The following LGMN variants were observed in gnomAD, a reference collection of about 807,000 sequenced individuals.
LGMN encodes the protein legumain.
Under a neutral mutation model 56.8 loss-of-function variants are expected in LGMN, and 36 were observed. That is an observed-to-expected ratio of 0.63 (90% CI 0.49 to 0.84). The LOEUF is 0.84. Among genes scored for constraint, LGMN ranks in the 40% least tolerant of loss-of-function variants. The pLI is 0.00. For synonymous variants in LGMN, 199 were observed against 210.1 expected (o/e 0.95, Z 0.46); for missense variants, 446 against 556.1 (o/e 0.80, Z 1.99).
chr14:92,719,653 G>T (rs377732139), intron 2 of LGMN, among the ~76,000 whole-genome samples: 38 of 152,206 alleles, frequency 2.5e-4, no homozygotes, highest in African/African-American at 8.9e-4. Flanking sequence ...GTCCAACTCA[G>T]GAATTGAGAA....
At chr14:92,746,254 TATC>T (rs1489672748) in intron 1 of LGMN, among the ~76,000 whole-genome samples, 2 of 152,236 alleles carry the variant, frequency 1.3e-5, no homozygotes, top group Admixed American at 1.3e-4. Context: ...ATTTGAGTCT[TATC>T]ATATGATTAT....
At chr14:92,729,334 C>T (rs951688493) in intron 2 of LGMN, among the ~76,000 whole-genome samples, 9 of 151,302 alleles carry the variant, frequency 5.9e-5, no homozygotes, top group African/African-American at 1.9e-4. Context: ...TGCAACCCCC[C>T]ACCTCACTCT....
At chr14:92,719,260 GCCA>G (rs1188291041) in intron 2 of LGMN, among the ~76,000 whole-genome samples, 49 of 12,530 alleles carry the variant, frequency 3.9e-3, no homozygotes, top group African/African-American at 0.012. Flanking sequence ...CACCACCACC[GCCA>G]CCGCCGCCGC....
chr14:92,710,697 A>G (rs1030308771), intron 10 of LGMN, among the ~76,000 whole-genome samples: 4 of 152,220 alleles, frequency 2.6e-5, no homozygotes, highest in Admixed American at 6.5e-5. Context: ...AGAAATGGCC[A>G]ATGATGAGGA....
chr14:92,719,866 T>C (rs1890365190), intron 2 of LGMN, among the ~76,000 whole-genome samples: 1 of 152,228 alleles, frequency 6.6e-6, no homozygotes. Context: ...TCTGCTTACA[T>C]TTAATTTTGT....
At chr14:92,734,284 T>A (rs948118150) in intron 1 of LGMN, among the ~76,000 whole-genome samples, 12 of 152,206 alleles carry the variant, frequency 7.9e-5, no homozygotes, top group African/African-American at 2.9e-4. Context: ...GAACGGCTGG[T>A]CCGGCACTCT....
chr14:92,719,320 G>GCCGCCA (rs71123372), intron 2 of LGMN, among the ~76,000 whole-genome samples: 1 of 49,228 alleles, frequency 2.0e-5, no homozygotes, highest in Non-Finnish European at 3.7e-5. Context: ...CACCGCCGCC[G>GCCGCCA]CCGCCACCGC....
rs1204528886 is a variant in LGMN at position 92,714,087 on chromosome 14, C to G, written c.481-202G>C. 6.6e-6 allele frequency among the ~76,000 whole-genome samples: 1 copy of G among 152,192 alleles called. No homozygotes were observed. The highest frequency in any genetic ancestry group is 1.5e-5 in the Non-Finnish European group (1 of 68,032). On this transcript the variant is annotated intron_variant, in intron 6 of 13. Transcript: ENST00000334869. The surrounding 1 kb of genome is among the most constrained non-coding windows in gnomAD (Gnocchi z 5.1). The stretch of plus-strand genomic sequence containing the variant: ...GGGCAAGAGGATGTACCTCTTCACC[C>G]ATTACTTTGTCCGGAGCTTTTGGTC...
chr14:92,740,469 G>A (rs1475218936), intron 1 of LGMN, among the ~76,000 whole-genome samples: 1 of 152,188 alleles, frequency 6.6e-6, no homozygotes, highest in African/African-American at 2.4e-5. Flanking sequence ...GGTGGTCAGT[G>A]GCACTGCTGG....
At chr14:92,727,095 G>A (rs1460563117) in intron 2 of LGMN, among the ~76,000 whole-genome samples, 1 of 152,112 alleles carries the variant, frequency 6.6e-6, no homozygotes, top group Non-Finnish European at 1.5e-5. Context: ...TGAGGAGAGT[G>A]TATTTGAGGA....
At chr14:92,716,045 G>T in intron 5 of LGMN, 91 bp downstream of exon 5, 1 of 845,714 alleles carries the variant, frequency 1.2e-6, no homozygotes. Context: ...CAGGTAAACA[G>T]GCTAGGGGCA....
intron 2 of LGMN, among the ~76,000 whole-genome samples, chr14:92,731,908 C>G (rs1388636962): frequency 6.6e-6 from 1 of 152,214 alleles, no homozygotes; most frequent in Non-Finnish European, 1.5e-5. Context: ...TTTTACATCC[C>G]ACAGGGAGGC....
At position 92,711,942 on chromosome 14, in the gene LGMN, A is replaced by G; in HGVS notation, c.624T>C (p.Thr208=). Reference sequence around the variant, plus strand: ...AGGACGACTCTCTGGGGTTGGCAGCAGTAGTTGCATAAACTACGAGGAATT... The same window carrying G: ...AGGACGACTCTCTGGGGTTGGCAGCGGTAGTTGCATAAACTACGAGGAATT... ...LPDNINVYAT[T]AANPRESSYA... Residue 208 remains threonine, a synonymous_variant, in exon 9 of 14, where the codon ACT becomes ACC. Coordinates refer to ENST00000334869, the MANE Select transcript of LGMN (RefSeq NM_005606.7). 6.2e-7 allele frequency: 1 copy of G among 1,612,236 alleles called. No homozygotes were observed. The highest frequency in any genetic ancestry group is 8.5e-7 in the Non-Finnish European group (1 of 1,178,224).
intron 11 of LGMN, among the ~76,000 whole-genome samples, chr14:92,708,195 T>C (rs1889546702): frequency 6.6e-6 from 1 of 151,706 alleles, no homozygotes; most frequent in Non-Finnish European, 1.5e-5. Context: ...GTTCACTTTC[T>C]GTGAACTATC....
At chr14:92,742,048 C>T (rs1480404940) in intron 1 of LGMN, among the ~76,000 whole-genome samples, 2 of 152,044 alleles carry the variant, frequency 1.3e-5, no homozygotes, top group Non-Finnish European at 2.9e-5. Flanking sequence ...CTCTCACCCT[C>T]GATATCTAAT....
In LGMN at chr14:92,709,704, G is replaced by A; in HGVS notation, c.988C>T (p.Gln330Ter). 1 of 1,613,754 alleles carries A rather than the reference G, an allele frequency of 6.2e-7. No homozygotes were observed. The highest frequency in any genetic ancestry group is 1.3e-5 in the African/African-American group (1 of 75,012). ...MNTNDLEESRQLTEEIQRHLD... is the reference protein window; with the variant it reads ...MNTNDLEESR ...TGCCGCTGGATCTCCTCCGTGAGCT[G>A]CCTGGACTCCTCCAGATCATTGGTG... Residue 330 changes from glutamine (Q) to a stop codon, truncating the protein, a stop_gained, in exon 11 of 14, where the codon CAG (glutamine) becomes TAG (stop). Transcript: ENST00000334869. LOFTEE classifies it high-confidence loss of function.
At chr14:92,748,401 T>G (rs1419974709) in intron 1 of LGMN, 88 bp downstream of exon 1, 1 of 152,920 alleles carries the variant, frequency 6.5e-6, no homozygotes, top group East Asian at 1.9e-4. Context: ...ATCCCAGCCC[T>G]GAGGTCGAGA....
At chr14:92,704,816 T>C in intron 12 of LGMN, 109 bp from the exon 13 acceptor site, 1 of 863,010 alleles carries the variant, frequency 1.2e-6, no homozygotes, top group Admixed American at 1.7e-5. Context: ...TCTTGCCCTA[T>C]TTTGGTTCAT....
chr14:92,725,556 T>C (rs1188952562), intron 2 of LGMN, among the ~76,000 whole-genome samples: 2 of 151,956 alleles, frequency 1.3e-5, no homozygotes, highest in Non-Finnish European at 2.9e-5. Flanking sequence ...AAAATAAAAA[T>C]AAAAGCGGAT....
Sources: gnomAD v4.1 joint callset for allele counts (sites outside exome capture counted in the v4.1 genomes callset) on GRCh38, gnomAD v4.1.1 for gene constraint, Gnocchi (gnomAD v3.1) non-coding constraint, MANE v1.5 for transcripts, NCBI Gene and HGNC (gene_info 2026-07-23, HGNC 2026-07-21) for gene names.